The following ATP9B variants were observed in gnomAD, a reference collection of about 807,000 sequenced individuals.
ATP9B encodes the protein ATPase phospholipid transporting 9B, also known as probable phospholipid-transporting ATPase IIB.
A neutral mutation model predicts 146.1 loss-of-function variants in ATP9B; 110 were observed. That is an observed-to-expected ratio of 0.75 (90% CI 0.65 to 0.88). The LOEUF is 0.88. Among genes scored for constraint, ATP9B ranks in the 40% least tolerant of loss-of-function variants. The probability of loss-of-function intolerance (pLI) is 0.00; values close to 1 mark genes in which losing one functional copy is unlikely to be tolerated. For synonymous variants in ATP9B, 604 were observed against 569.7 expected (o/e 1.06, Z -0.86); for missense variants, 1,499 against 1,496.4 (o/e 1.00, Z -0.03).
rs147002593 is a variant in ATP9B at position 79,207,272 on chromosome 18, A to G, written c.1030+260A>G. Among the ~76,000 whole-genome samples the G allele has an allele frequency of 6.5e-3, 987 of 152,280 alleles. 5 individuals carry two copies. Among genetic ancestry groups the G allele is most frequent in the African/African-American group, 0.022 (918 of 41,568 alleles). On this transcript the variant is annotated intron_variant, in intron 10 of 29. Transcript: ENST00000426216. ...AGCCTTCGTGCAGGAGTACAGGGAT[A>G]TTCTGTTCGTCTTTGACCTGTTTCT...
intron 12 of ATP9B, among the ~76,000 whole-genome samples, chr18:79,257,133 C>T (rs1050821550): frequency 8.5e-5 from 13 of 152,078 alleles, no homozygotes; most frequent in African/African-American, 3.1e-4. Flanking sequence ...AACCCCGTCT[C>T]TACAAAAAAT....
At chr18:79,341,897 A>T (rs144018355) in intron 19 of ATP9B, among the ~76,000 whole-genome samples, 122 of 152,318 alleles carry the variant, frequency 8.0e-4, no homozygotes, top group African/African-American at 2.8e-3. Flanking sequence ...CTAAACGGAA[A>T]CTGTCCATCT....
At chr18:79,370,532 C>A (rs769968708) in intron 26 of ATP9B, among the ~76,000 whole-genome samples, 26 of 152,202 alleles carry the variant, frequency 1.7e-4, no homozygotes, top group Non-Finnish European at 2.6e-4. Context: ...GAATGAATTG[C>A]TTCTATGAGT....
chr18:79,275,903 A>G (rs1386440294), intron 12 of ATP9B, among the ~76,000 whole-genome samples: 1 of 152,382 alleles, frequency 6.6e-6, no homozygotes, highest in African/African-American at 2.4e-5. Flanking sequence ...CTATGGACAG[A>G]TAAGTCAAAG....
intron 11 of ATP9B, among the ~76,000 whole-genome samples, chr18:79,241,941 C>G (rs2095893051): frequency 6.6e-6 from 1 of 152,232 alleles, no homozygotes; most frequent in Non-Finnish European, 1.5e-5. Flanking sequence ...CTGTCACCTG[C>G]ACTTTGGAGT....
At chr18:79,341,288 CCGACACACCA>C in intron 19 of ATP9B, among the ~76,000 whole-genome samples, 2 of 137,538 alleles carry the variant, frequency 1.5e-5, no homozygotes, top group Non-Finnish European at 3.1e-5. Flanking sequence ...GTCTGTGTTG[CCGACACACCA>C]TTTAGTTGTG....
chr18:79,229,940 C>A (rs1235169399), intron 11 of ATP9B, among the ~76,000 whole-genome samples: 1 of 151,866 alleles, frequency 6.6e-6, no homozygotes, highest in East Asian at 1.9e-4. Flanking sequence ...GTTGTAACTA[C>A]ATGTCCTGTT....
intron 17 of ATP9B, among the ~76,000 whole-genome samples, chr18:79,332,234 C>G (rs1364816787): frequency 1.3e-5 from 2 of 152,162 alleles, no homozygotes; most frequent in Admixed American, 6.5e-5. Flanking sequence ...TTGAGACCCT[C>G]CTGGCTAACA....
At chr18:79,368,090 A>G (rs2097046216) in intron 26 of ATP9B, among the ~76,000 whole-genome samples, 1 of 151,542 alleles carries the variant, frequency 6.6e-6, no homozygotes, top group Non-Finnish European at 1.5e-5. Context: ...GCCCCGGGTG[A>G]GCTGGACGGC....
intron 1 of ATP9B, among the ~76,000 whole-genome samples, chr18:79,084,103 C>T (rs569167357): frequency 8.6e-5 from 13 of 151,752 alleles, no homozygotes; most frequent in South Asian, 2.1e-4. Context: ...ATGATCCACC[C>T]GCCTCGGCCT....
intron 29 of ATP9B, 122 bp downstream of exon 29, chr18:79,375,548 G>A (rs1018412385): frequency 6.7e-7 from 1 of 1,500,890 alleles, no homozygotes; most frequent in Non-Finnish European, 8.9e-7. Flanking sequence ...GGAACTCTCT[G>A]ATGTCACGTA....
intron 17 of ATP9B, among the ~76,000 whole-genome samples, chr18:79,335,349 T>TA: frequency 6.6e-6 from 1 of 152,342 alleles, no homozygotes; most frequent in African/African-American, 2.4e-5. Context: ...TTGAGAGTGT[T>TA]ACCTCCACAC....
At chr18:79,359,280 TA>T in intron 25 of ATP9B, 73 bp from the exon 26 acceptor site, 1 of 1,167,246 alleles carries the variant, frequency 8.6e-7, no homozygotes, top group Non-Finnish European at 1.2e-6. Context: ...CTGTGACCTC[TA>T]ATCCAGAGGT....
At chr18:79,337,171 A>G in intron 18 of ATP9B, 108 bp from the exon 19 acceptor site, 7 of 1,393,858 alleles carry the variant, frequency 5.0e-6, no homozygotes, top group Non-Finnish European at 6.0e-6. Context: ...ACACGTGTGC[A>G]CATAGTCACC....
intron 15 of ATP9B, among the ~76,000 whole-genome samples, chr18:79,313,173 GGTGT>G (rs1409991977): frequency 6.6e-6 from 1 of 152,186 alleles, no homozygotes; most frequent in African/African-American, 2.4e-5. Flanking sequence ...TTGGAATTGG[GGTGT>G]GTGTATGTGT....
chr18:79,096,123 TATAGTC>T (rs2074758282), intron 1 of ATP9B, among the ~76,000 whole-genome samples: 1 of 152,220 alleles, frequency 6.6e-6, no homozygotes, highest in Non-Finnish European at 1.5e-5. Context: ...CATTCTTTGC[TATAGTC>T]ATGTTTCAGA....
intron 5 of ATP9B, among the ~76,000 whole-genome samples, chr18:79,130,209 A>G (rs750563386): frequency 2.0e-5 from 3 of 152,192 alleles, no homozygotes; most frequent in Non-Finnish European, 4.4e-5. Context: ...GCTCAAGGAA[A>G]CCATGGGGAT....
At chr18:79,139,891 G>A (rs1183951716) in intron 5 of ATP9B, among the ~76,000 whole-genome samples, 1 of 152,010 alleles carries the variant, frequency 6.6e-6, no homozygotes, top group African/African-American at 2.4e-5. Flanking sequence ...TTTACTATGG[G>A]TAAATTTTGG....
At chr18:79,342,190 T>C in intron 19 of ATP9B, 78 bp from the exon 20 acceptor site, 1 of 1,139,928 alleles carries the variant, frequency 8.8e-7, no homozygotes, top group Non-Finnish European at 1.3e-6. Context: ...ACCTTTTGGC[T>C]GTTGTGAATT....
Sources: gnomAD v4.1 joint callset for allele counts (sites outside exome capture counted in the v4.1 genomes callset) on GRCh38, gnomAD v4.1.1 for gene constraint, MANE v1.5 for transcripts, NCBI Gene and HGNC (gene_info 2026-07-23, HGNC 2026-07-21) for gene names.